Variants in ARID3B observed in about 807,000 individuals in gnomAD.
ARID3B encodes the protein AT-rich interactive domain-containing protein 3B.
In ARID3B, 10 loss-of-function variants were observed where a neutral mutation model predicts 51.9. That is an observed-to-expected ratio of 0.19 (90% confidence interval 0.12 to 0.33). The LOEUF (loss-of-function observed/expected upper bound fraction) is 0.33, where lower values mean the gene tolerates loss of function less well. ARID3B is among the 10% of genes least tolerant of loss of function. ARID3B has a pLI of 1.00. For missense variants in ARID3B, 483 were observed against 716.3 expected (o/e 0.67, Z 3.72); for synonymous variants, 205 against 279.5 (o/e 0.73, Z 2.66).
chr15:74,552,481 C>T (rs2061641835), intron 2 of ARID3B, among the ~76,000 whole-genome samples: 1 of 149,722 alleles, frequency 6.7e-6, no homozygotes, highest in Non-Finnish European at 1.5e-5. Flanking sequence ...AGGCATGAGC[C>T]ACCACGCCCA....
rs1233916747 is a variant in ARID3B, at chr15:74,591,263, A to T, written c.994A>T (p.Ser332Cys). 6.2e-7 allele frequency: 1 copy of T among 1,613,948 alleles called. No individual in the cohort carries two copies. The highest frequency in any genetic ancestry group is 1.3e-5 in the African/African-American group (1 of 75,028). ...CAGGGAGGGCCGGCGGCCCAGCTACAGCTCCTCCCTCTTTGGCTACTCACC... is the reference window on the plus strand; with the variant it reads ...CAGGGAGGGCCGGCGGCCCAGCTACTGCTCCTCCCTCTTTGGCTACTCACC... Reference protein sequence around the residue: ...NRREGRRPSYSSSLFGYSPAA... With the variant: ...NRREGRRPSYCSSLFGYSPAA... Residue 332 changes from serine to cysteine, a missense_variant, in exon 6 of 9, where the codon AGC becomes TGC. Coordinates refer to ENST00000346246, the MANE Select transcript of ARID3B (RefSeq NM_006465.4). This position sits in a 1 kb window ranked among gnomAD's most constrained non-coding sequence, Gnocchi z 5.8.
At chr15:74,581,269 T>C (rs2061760924) in intron 4 of ARID3B, among the ~76,000 whole-genome samples, 1 of 152,378 alleles carries the variant, frequency 6.6e-6, no homozygotes, top group Admixed American at 6.5e-5. Flanking sequence ...AAGAATTTAC[T>C]GTGGGAAAAG....
intron 2 of ARID3B, among the ~76,000 whole-genome samples, chr15:74,566,889 A>G (rs1392256501): frequency 6.6e-6 from 1 of 152,196 alleles, no homozygotes; most frequent in Non-Finnish European, 1.5e-5. Flanking sequence ...ACCTTTTACC[A>G]TAACTGGTAA....
chr15:74,587,332 G>A (rs572075512), intron 4 of ARID3B, among the ~76,000 whole-genome samples: 9 of 152,336 alleles, frequency 5.9e-5, no homozygotes, highest in African/African-American at 1.7e-4. Flanking sequence ...TACCTCCAAG[G>A]ACGAATCATG....
chr15:74,578,418 G>A (rs1259437573), intron 4 of ARID3B, among the ~76,000 whole-genome samples: 2 of 152,020 alleles, frequency 1.3e-5, no homozygotes, highest in Admixed American at 6.6e-5. Context: ...CAGGTAATCC[G>A]CCCGCGTCGG....
chr15:74,552,088 G>T (rs2061639664), intron 2 of ARID3B, among the ~76,000 whole-genome samples: 1 of 115,250 alleles, frequency 8.7e-6, no homozygotes, highest in Non-Finnish European at 1.7e-5. Flanking sequence ...CTGAGACGGA[G>T]TCTCGCTCTG....
chr15:74,587,595 A>C (rs983341204), intron 4 of ARID3B, among the ~76,000 whole-genome samples: 1 of 152,132 alleles, frequency 6.6e-6, no homozygotes, highest in South Asian at 2.1e-4. Context: ...GCCCTGTGTG[A>C]GGGGACCTGG....
At chr15:74,592,239 G>A (rs2061806601) in intron 7 of ARID3B, among the ~76,000 whole-genome samples, 1 of 152,214 alleles carries the variant, frequency 6.6e-6, no homozygotes, top group East Asian at 1.9e-4. Flanking sequence ...GGGCTGGACA[G>A]TGGGACTCAG....
chr15:74,597,107 C>A lies in ARID3B; in HGVS notation c.*1333C>A. On this transcript the variant is annotated 3_prime_UTR_variant, in exon 9 of 9. Coordinates refer to ENST00000346246, the MANE Select transcript of ARID3B (RefSeq NM_006465.4). ...CCTCCCCATCACTCAGCATTCCCAG[C>A]TCAGGGCACAGGCAGGCTGGGGTCC... 8.2e-6 allele frequency: 2 copies of A among 242,438 alleles called. No homozygotes were observed. Among genetic ancestry groups the A allele is most frequent in the Non-Finnish European group, 1.6e-5 (2 of 123,904 alleles). 15.0% of individuals were successfully genotyped at this position (242,438 alleles called of 1,614,324 possible).
rs1425406486 is a variant in ARID3B at position 74,597,650 on chromosome 15, G to A, written c.*1876G>A. On this transcript the variant is annotated 3_prime_UTR_variant, in exon 9 of 9. Transcript: ENST00000346246. ...TTGGCTGGCACTGGGCCCATTTGAA[G>A]GTGTCTCAGACATTTGGCCAGTATG... The A allele has an allele frequency of 5.6e-6, 3 of 532,280 alleles. No individual in the cohort carries two copies. The highest frequency in any genetic ancestry group is 1.1e-5 in the Non-Finnish European group (3 of 275,514). The allele number at this position is 532,280 out of a possible 1,614,324, so 33.0% of individuals were successfully genotyped here. A position where few individuals can be genotyped will look rare whatever the true frequency, so the allele number is the denominator to read the frequency against.
chr15:74,562,615 G>C (rs2061683150), intron 2 of ARID3B, among the ~76,000 whole-genome samples: 1 of 151,942 alleles, frequency 6.6e-6, no homozygotes, highest in Non-Finnish European at 1.5e-5. Flanking sequence ...GCCTCCCAAA[G>C]TGCTGGGATT....
At position 74,563,505 on chromosome 15, in the gene ARID3B, T is replaced by A. The variant is rs144333736; in HGVS notation, c.553-9357T>A. 1.8e-4 allele frequency among the ~76,000 whole-genome samples: 27 copies of A among 152,308 alleles called. No homozygotes were observed. In the East Asian group the frequency reaches 5.0e-3, roughly 28 times the overall value. ...TGTGTTGTTTGGGGGGAAAAAAAAG[T>A]TTTATGAAACTTTTGGGCAAGTTTC... On this transcript the variant is annotated intron_variant, in intron 2 of 8. Coordinates refer to ENST00000346246, the MANE Select transcript of ARID3B (RefSeq NM_006465.4).
intron 2 of ARID3B, among the ~76,000 whole-genome samples, chr15:74,558,375 C>T (rs1210107392): frequency 1.3e-5 from 2 of 151,922 alleles, no homozygotes; most frequent in African/African-American, 4.8e-5. Flanking sequence ...ATCTGTTCTA[C>T]TTTATGGCTC....
At chr15:74,548,331 G>A (rs535102312) in intron 2 of ARID3B, among the ~76,000 whole-genome samples, 34 of 152,252 alleles carry the variant, frequency 2.2e-4, no homozygotes, top group Non-Finnish European at 3.7e-4. Context: ...GACCCCCTTC[G>A]ATAGAATAGA....
At chr15:74,578,239 T>C (rs1442911408) in intron 4 of ARID3B, among the ~76,000 whole-genome samples, 1 of 151,066 alleles carries the variant, frequency 6.6e-6, no homozygotes, top group Non-Finnish European at 1.5e-5. Flanking sequence ...AGTGGCACCA[T>C]CTCGGCTCAC....
chr15:74,583,707 ACT>A lies in ARID3B; in HGVS notation c.698-6110_698-6109del, dbSNP rs1261160682. On this transcript the variant is annotated intron_variant, in intron 4 of 8. Transcript: ENST00000346246. ...ACTCCAACCTGGGCAACAGAGCGAG[ACT>A]CTGTCTCAAAAAAAAAAAAAAAGTT... 4.7e-5 allele frequency among the ~76,000 whole-genome samples: 7 copies of A among 150,030 alleles called. No homozygotes were observed. The East Asian group carries it at 1.4e-3, about 29-fold the overall frequency.
At position 74,597,493 on chromosome 15, in the gene ARID3B, A is replaced by G; in HGVS notation, c.*1719A>G. 1.9e-6 allele frequency: 1 copy of G among 532,312 alleles called. No individual in the cohort carries two copies. The highest frequency in any genetic ancestry group is 3.6e-6 in the Non-Finnish European group (1 of 275,810). 33.0% of individuals were successfully genotyped at this position (532,312 alleles called of 1,614,324 possible). A position where few individuals can be genotyped will look rare whatever the true frequency, so the allele number is the denominator to read the frequency against. On this transcript the variant is annotated 3_prime_UTR_variant, in exon 9 of 9. Transcript: ENST00000346246. ...TTCTCTCAGCCCTCCACACACACTCACCCCCACTCCCACACACATACACAC... is the reference window on the plus strand; with the variant it reads ...TTCTCTCAGCCCTCCACACACACTCGCCCCCACTCCCACACACATACACAC...
intron 2 of ARID3B, among the ~76,000 whole-genome samples, chr15:74,553,803 TTTTA>T (rs202077230): frequency 2.7e-4 from 41 of 150,242 alleles, no homozygotes; most frequent in African/African-American, 7.8e-4. Context: ...GTTTTTTAAT[TTTTA>T]TTTATTTATT....
At chr15:74,561,433 A>AT (rs1026971996) in intron 2 of ARID3B, among the ~76,000 whole-genome samples, 22 of 152,330 alleles carry the variant, frequency 1.4e-4, no homozygotes, top group African/African-American at 4.1e-4. Context: ...ACTGCTTTAA[A>AT]TTTTTTACTC....
Sources: gnomAD v4.1 joint callset for allele counts (sites outside exome capture counted in the v4.1 genomes callset) on GRCh38, gnomAD v4.1.1 for gene constraint, Gnocchi (gnomAD v3.1) non-coding constraint, MANE v1.5 for transcripts, NCBI Gene and HGNC (gene_info 2026-07-23, HGNC 2026-07-21) for gene names.